Variants in ABCC8 observed in about 807,000 individuals in gnomAD.
ABCC8 encodes the protein ATP-binding cassette sub-family C member 8.
A neutral mutation model predicts 188.0 loss-of-function variants in ABCC8; 137 were observed. The observed-to-expected ratio is 0.73, with a 90% CI of 0.63 to 0.84. The LOEUF (loss-of-function observed/expected upper bound fraction) is 0.84. Among genes scored for constraint, ABCC8 ranks in the 40% least tolerant of loss-of-function variants. The probability of loss-of-function intolerance (pLI) is 0.00; values close to 1 mark genes in which losing one functional copy is unlikely to be tolerated. For missense variants in ABCC8, 1,750 were observed against 2,072.7 expected, an observed-to-expected ratio of 0.84 and a Z score of 3.02; for synonymous variants, 797 against 846.5, an observed-to-expected ratio of 0.94 and a Z score of 1.01.
intron 6 of ABCC8, among the ~76,000 whole-genome samples, chr11:17,460,100 A>T (rs1957131154): frequency 6.6e-6 from 1 of 152,214 alleles, no homozygotes; most frequent in African/African-American, 2.4e-5. Flanking sequence ...CCTTTACAGG[A>T]CTGAAGAAGA....
In ABCC8 at chr11:17,407,440, TCTG is replaced by T; in HGVS notation, c.2831_2833del (p.Thr944_Glu945delinsLys). The T allele has an allele frequency of 6.2e-7, 1 of 1,614,150 alleles. No individual in the cohort carries two copies. The highest frequency in any genetic ancestry group is 8.5e-7 in the Non-Finnish European group (1 of 1,180,018). On this transcript the variant is annotated inframe_deletion, in exon 24 of 39. Coordinates refer to ENST00000389817, the MANE Select transcript of ABCC8 (RefSeq NM_000352.6). ...CTGGGGTGGCTCTGTGGCTTTTCTC[TCTG>T]TGACAGTCTCCTAAAAGACAGATGT...
At chr11:17,475,703 T>C (rs1399591211) in intron 1 of ABCC8, among the ~76,000 whole-genome samples, 2 of 152,270 alleles carry the variant, frequency 1.3e-5, no homozygotes, top group African/African-American at 4.8e-5. Flanking sequence ...AACTAGCAAC[T>C]CTGCTTCTGC....
At position 17,413,306 on chromosome 11, in the gene ABCC8, T is replaced by C. The variant is rs948465551; in HGVS notation, c.2475+88A>G. 29 of 1,555,536 alleles carry C rather than the reference T, an allele frequency of 1.9e-5. No homozygotes were observed. In the African/African-American group the frequency reaches 3.3e-4, roughly 17 times the overall value. Reference sequence around the variant, plus strand: ...TCAGCCTTCAATGTCTCCTATTTCCTAGTTACCCATTGTCCTGAGTAGTGT... The same window carrying C: ...TCAGCCTTCAATGTCTCCTATTTCCCAGTTACCCATTGTCCTGAGTAGTGT... On this transcript the variant is annotated intron_variant, in intron 20 of 38. Coordinates refer to ENST00000389817, the MANE Select transcript of ABCC8 (RefSeq NM_000352.6).
intron 11 of ABCC8, among the ~76,000 whole-genome samples, chr11:17,431,965 A>G (rs774475667): frequency 3.3e-5 from 5 of 152,236 alleles, no homozygotes; most frequent in African/African-American, 4.8e-5. Context: ...TTTAAAAGAA[A>G]GTTTAATTTC....
chr11:17,440,999 A>T (rs1956294223), intron 10 of ABCC8, among the ~76,000 whole-genome samples: 1 of 152,152 alleles, frequency 6.6e-6, no homozygotes. Flanking sequence ...GACTTGTTGG[A>T]TGGGTCTATC....
chr11:17,460,070 G>A (rs1283269153), intron 6 of ABCC8, among the ~76,000 whole-genome samples: 1 of 152,218 alleles, frequency 6.6e-6, no homozygotes, highest in Non-Finnish European at 1.5e-5. Flanking sequence ...AGATGCCCCT[G>A]CAGAAAGCTC....
At chr11:17,434,994 T>TGTGC (rs541944008) in intron 10 of ABCC8, among the ~76,000 whole-genome samples, 3,485 of 151,700 alleles carry the variant, frequency 0.023, 122 homozygotes, top group African/African-American at 0.081. Flanking sequence ...CGTGTGTGTG[T>TGTGC]GTGTGTGTGT....
chr11:17,470,183 G>A lies in ABCC8; in HGVS notation c.330C>T (p.Ala110=), dbSNP rs8192695. 73,054 of 1,614,062 alleles carry A rather than the reference G, an allele frequency of 0.045. 2,107 individuals are homozygous for A. Among genetic ancestry groups the A allele is most frequent in the African/African-American group, 0.13 (10,082 of 75,004 alleles). The change falls in exon 3 of 39, where the codon GCC becomes GCT. Residue 110 remains alanine (A), a synonymous_variant. Coordinates refer to ENST00000389817, the MANE Select transcript of ABCC8 (RefSeq NM_000352.6). The stretch of plus-strand genomic sequence containing the variant: ...TGACAGCAGCCATGAACGCCATCCC[G>A]GCTGGCATGTACAGGTGCAGATGGT... The part of the protein sequence containing the change: ...ESHHLHLYMP[A]GMAFMAAVTS...
chr11:17,398,310 A>T, intron 30 of ABCC8, 29 bp downstream of exon 30: 1 of 1,613,504 alleles, frequency 6.2e-7, no homozygotes, highest in Middle Eastern at 1.7e-4. Flanking sequence ...CTCCTATCAG[A>T]GGCCAGGGTA....
intron 1 of ABCC8, among the ~76,000 whole-genome samples, chr11:17,475,592 G>T (rs1305911803): frequency 6.6e-6 from 1 of 152,144 alleles, no homozygotes; most frequent in African/African-American, 2.4e-5. Context: ...GTTTGGCTGA[G>T]AACAGAAGTG....
rs779489003 is a variant in ABCC8 at position 17,398,378 on chromosome 11, G to A, written c.3714C>T (p.Leu1238=). 5.0e-6 allele frequency: 8 copies of A among 1,614,188 alleles called. No homozygotes were observed. Among genetic ancestry groups the A allele is most frequent in the Non-Finnish European group, 6.8e-6 (8 of 1,180,016 alleles). The change falls in exon 30 of 39, where the codon CTC becomes CTT. Residue 1238 remains leucine (L), a synonymous_variant. Transcript: ENST00000389817. ...EYTDSNNIAS[L]FLTAANRWLE... is the part of the protein sequence containing the mutation. ...GCCATCTGTTGGCAGCTGTGAGGAAGAGGGAAGCAATGTTGTTGGAGTCTG... is the reference window on the plus strand; with the variant it reads ...GCCATCTGTTGGCAGCTGTGAGGAAAAGGGAAGCAATGTTGTTGGAGTCTG...
intron 10 of ABCC8, among the ~76,000 whole-genome samples, chr11:17,433,059 C>G (rs777918371): frequency 3.3e-5 from 5 of 152,180 alleles, no homozygotes; most frequent in Non-Finnish European, 7.4e-5. Context: ...CTGTGAGCCC[C>G]AGGTGCTGCC....
chr11:17,428,217 C>A (rs1320955478), intron 14 of ABCC8, 72 bp downstream of exon 14: 13 of 1,606,844 alleles, frequency 8.1e-6, no homozygotes, highest in Non-Finnish European at 1.1e-5. Context: ...ATGCAGCTTT[C>A]TGGCTTTCCA....
In ABCC8 at chr11:17,397,789, G is replaced by C; in HGVS notation, c.3762C>G (p.Ile1254Met). Residue 1254 changes from isoleucine to methionine, a missense_variant, in exon 31 of 39, where the codon ATC becomes ATG. Coordinates refer to ENST00000389817, the MANE Select transcript of ABCC8 (RefSeq NM_000352.6). ...NRWLEVRMEYIGACVVLIAAV... is the reference protein window; with the variant it reads ...NRWLEVRMEYMGACVVLIAAV... Reference sequence around the variant, plus strand: ...CTGCGATGAGCACCACACATGCACCGATGTACTCCTGGGGAGGGAGAGGAG... The same window carrying C: ...CTGCGATGAGCACCACACATGCACCCATGTACTCCTGGGGAGGGAGAGGAG... 1 of 1,613,738 alleles carries C rather than the reference G, an allele frequency of 6.2e-7. No individual in the cohort carries two copies. Among genetic ancestry groups the C allele is most frequent in the Non-Finnish European group, 8.5e-7 (1 of 1,180,000 alleles).
intron 26 of ABCC8, among the ~76,000 whole-genome samples, chr11:17,406,081 A>AG (rs1954506248): frequency 6.6e-6 from 1 of 152,282 alleles, no homozygotes; most frequent in African/African-American, 2.4e-5. Flanking sequence ...AGCCTCGACA[A>AG]GGGGCCAGAA....
At chr11:17,466,473 T>C (rs997770656) in intron 3 of ABCC8, among the ~76,000 whole-genome samples, 3 of 149,968 alleles carry the variant, frequency 2.0e-5, no homozygotes, top group Non-Finnish European at 3.0e-5. Flanking sequence ...AATTCATAGA[T>C]AGAAAGTAGA....
intron 10 of ABCC8, chr11:17,436,185 G>T (rs2133570510): frequency 2.8e-6 from 2 of 724,844 alleles, no homozygotes; most frequent in Admixed American, 1.8e-5. Flanking sequence ...CAGCCATCTT[G>T]GGTTCTGGTC....
chr11:17,455,251 G>T (rs1458808349), intron 6 of ABCC8, among the ~76,000 whole-genome samples: 1 of 152,176 alleles, frequency 6.6e-6, no homozygotes, highest in East Asian at 1.9e-4. Context: ...TCTCATGAAA[G>T]CTCTGGAGAA....
intron 29 of ABCC8, among the ~76,000 whole-genome samples, chr11:17,401,757 A>G (rs533654512): frequency 6.2e-4 from 94 of 152,122 alleles, no homozygotes; most frequent in Non-Finnish European, 1.2e-3. Context: ...ACTCTTGGGG[A>G]GTGGGAAACA....
Sources: allele counts gnomAD v4.1 joint callset (sites outside exome capture counted in the v4.1 genomes callset), GRCh38; gene constraint gnomAD v4.1.1; transcripts MANE v1.5; gene names NCBI Gene and HGNC (gene_info 2026-07-23, HGNC 2026-07-21).